GPT2: variants seen among roughly 807,000 people sequenced by gnomAD.
The protein encoded by GPT2 is alanine aminotransferase 2.
GPT2 carries 30 observed loss-of-function variants against 56.9 expected under a neutral mutation model. The observed-to-expected ratio is 0.53, with a 90% confidence interval of 0.39 to 0.72. GPT2 has a LOEUF of 0.72. Ranked by LOEUF, GPT2 falls within the 30% of genes least tolerant of loss-of-function variation. The pLI is 0.00. For synonymous variants in GPT2, 271 were observed against 283.1 expected, an observed-to-expected ratio of 0.96 and a Z score of 0.43; for missense variants, 542 against 703.4, an observed-to-expected ratio of 0.77 and a Z score of 2.60.
intron 7 of GPT2, among the ~76,000 whole-genome samples, 178 bp downstream of exon 7, chr16:46,916,885 TA>T (rs1177404305): frequency 5.9e-5 from 9 of 152,214 alleles, no homozygotes; most frequent in African/African-American, 1.9e-4. Context: ...TTTACCCCTT[TA>T]TTGGTTTGTA....
intron 9 of GPT2, among the ~76,000 whole-genome samples, chr16:46,922,843 G>A (rs1051514174): frequency 9.2e-5 from 14 of 152,188 alleles, no homozygotes; most frequent in African/African-American, 3.1e-4. Flanking sequence ...GCTTTGACCA[G>A]TTCAAACAAA....
chr16:46,903,132 C>A (rs1044803465), intron 4 of GPT2, among the ~76,000 whole-genome samples: 1 of 151,530 alleles, frequency 6.6e-6, no homozygotes, highest in Non-Finnish European at 1.5e-5. Flanking sequence ...GCCTGTAATC[C>A]CAGCTACTTG....
chr16:46,925,583 C>T (rs1391588958), intron 10 of GPT2, among the ~76,000 whole-genome samples: 1 of 152,074 alleles, frequency 6.6e-6, no homozygotes, highest in Non-Finnish European at 1.5e-5. Context: ...GTGGTCTCAG[C>T]ACTTTGGGAG....
rs375848414 is a variant in GPT2, at chr16:46,898,429, G to A, written c.333+692G>A. 1.8e-4 allele frequency among the ~76,000 whole-genome samples: 27 copies of A among 152,362 alleles called. No homozygotes were observed. In the East Asian group the frequency reaches 3.9e-3, roughly 22 times the overall value. On this transcript the variant is annotated intron_variant, in intron 3 of 11. Coordinates refer to ENST00000340124, the MANE Select transcript of GPT2 (RefSeq NM_133443.4). ...GCCGGGATTGTGGGATTATGGGATT[G>A]GTGGGCTGGAGGCGGTGGGGTGGGA... is the stretch of plus-strand genomic sequence containing the variant.
chr16:46,928,945 T>C lies in GPT2; in HGVS notation c.1520T>C (p.Val507Ala). 6.2e-7 allele frequency: 1 copy of C among 1,614,140 alleles called. No homozygotes were observed. Among genetic ancestry groups the C allele is most frequent in the South Asian group, 1.1e-5 (1 of 91,078 alleles). The change falls in exon 12 of 12, where the codon GTG (valine) becomes GCG (alanine). Residue 507 changes from valine to alanine, a missense_variant. Transcript: ENST00000340124. ...CCTCCAGTGGAGAAGCTGAAAACGG[T>C]GCTGCAGAAGGTGAAAGACTTCCAC... is the stretch of plus-strand genomic sequence containing the variant. ...ILPPVEKLKTVLQKVKDFHIN... is the reference protein window; with the variant it reads ...ILPPVEKLKTALQKVKDFHIN...
At chr16:46,884,614 CT>C in intron 1 of GPT2, 79 bp from the exon 2 acceptor site, 2 of 1,288,288 alleles carry the variant, frequency 1.6e-6, no homozygotes. Flanking sequence ...TGAAAGAGCC[CT>C]TGGCTGGGCT....
chr16:46,911,278 A>G (rs560858950), intron 6 of GPT2, among the ~76,000 whole-genome samples: 1 of 152,132 alleles, frequency 6.6e-6, no homozygotes, highest in South Asian at 2.1e-4. Flanking sequence ...CCCCAGTGCT[A>G]TTTGGACACA....
rs555034658 is a variant in GPT2 at position 46,894,216 on chromosome 16, G to A, written c.244-3432G>A. Among the ~76,000 whole-genome samples, 16 of 152,330 alleles carry A rather than the reference G, an allele frequency of 1.1e-4. 1 individual carries two copies. In the South Asian group the frequency reaches 3.3e-3, roughly 32 times the overall value. ...ATTGGTCGAGCAGTGCGGGGGGAGG[G>A]CACGGGAAAGGAACATTCAGGGCTC... On this transcript the variant is annotated intron_variant, in intron 2 of 11. Coordinates refer to ENST00000340124, the MANE Select transcript of GPT2 (RefSeq NM_133443.4).
chr16:46,918,674 G>T lies in GPT2; in HGVS notation c.954G>T (p.Lys318Asn), dbSNP rs1006110931. The stretch of plus-strand genomic sequence containing the variant: ...ATTGCAGATTCCACTCCTTCAAGAA[G>T]GTGCTGTACGAGATGGGGCCCGAGT... The part of the protein sequence containing the change: ...SPDCRFHSFK[K>N]VLYEMGPEYS... Residue 318 changes from lysine to asparagine, a missense_variant, in exon 8 of 12, where the codon AAG becomes AAT. Transcript: ENST00000340124. 6.2e-7 allele frequency: 1 copy of T among 1,614,192 alleles called. No individual in the cohort carries two copies. The highest frequency in any genetic ancestry group is 8.5e-7 in the Non-Finnish European group (1 of 1,180,022).
chr16:46,923,275 A>G (rs1357638191), intron 9 of GPT2, among the ~76,000 whole-genome samples: 1 of 152,148 alleles, frequency 6.6e-6, no homozygotes, highest in Non-Finnish European at 1.5e-5. Context: ...CAGCCCGGCC[A>G]ACATGGTCAA....
intron 5 of GPT2, among the ~76,000 whole-genome samples, chr16:46,908,070 C>G (rs180821947): frequency 2.7e-5 from 4 of 149,898 alleles, no homozygotes; most frequent in African/African-American, 9.9e-5. Flanking sequence ...GCCTGCAGTC[C>G]TGGGTTTGGG....
chr16:46,906,385 G>A (rs1041345323), intron 4 of GPT2, among the ~76,000 whole-genome samples: 10 of 152,162 alleles, frequency 6.6e-5, no homozygotes, highest in Admixed American at 4.6e-4. Context: ...GAGCCTAAGT[G>A]TTGGCCCACT....
At chr16:46,918,992 A>G (rs1457181948) in intron 8 of GPT2, among the ~76,000 whole-genome samples, 1 of 152,242 alleles carries the variant, frequency 6.6e-6, no homozygotes, top group Non-Finnish European at 1.5e-5. Flanking sequence ...GAGTGGAAAC[A>G]GGACTACATG....
Position 46,898,878 on chromosome 16 carries a change from A to ATATATATATACG in GPT2, c.333+1153_333+1164dup, listed in dbSNP as rs1555484763. On this transcript the variant is annotated intron_variant, in intron 3 of 11. Transcript: ENST00000340124. ...TTTATTTATATTTATATACATATATATATATATATACGTATATATATACAC... is the reference window on the plus strand; with the variant it reads ...TTTATTTATATTTATATACATATATATATATATATACGTATATATATACGTATATATATACAC... Among the ~76,000 whole-genome samples, 13 of 146,868 alleles carry ATATATATATACG rather than the reference A, an allele frequency of 8.9e-5. No homozygotes were observed. In the East Asian group the frequency reaches 2.3e-3, roughly 27 times the overall value.
rs1478050277 is a variant in GPT2 at position 46,927,170 on chromosome 16, T to A, written c.1481+133T>A. 5 of 517,894 alleles carry A rather than the reference T, an allele frequency of 9.7e-6. No homozygotes were observed. In the East Asian group the frequency reaches 1.3e-4, roughly 13 times the overall value. The allele number at this position is 517,894 out of a possible 1,614,324, so 32.1% of individuals were successfully genotyped here. ...CTGTCCTCTCTCGAGTCACCCCTAC[T>A]CTGTCCTGCTGCAGACCCAAGCTCA... On this transcript the variant is annotated intron_variant, in intron 11 of 11. Coordinates refer to ENST00000340124, the MANE Select transcript of GPT2 (RefSeq NM_133443.4).
At chr16:46,921,364 G>A (rs150466269) in intron 8 of GPT2, among the ~76,000 whole-genome samples, 1,833 of 152,180 alleles carry the variant, frequency 0.012, 22 homozygotes, top group Non-Finnish European at 0.02. Flanking sequence ...AGTAGAGACG[G>A]GTTTCACCAT....
chr16:46,924,625 G>C, intron 10 of GPT2, 81 bp downstream of exon 10: 1 of 1,458,922 alleles, frequency 6.9e-7, no homozygotes, highest in Non-Finnish European at 9.5e-7. Context: ...TTATCTTGGG[G>C]AGCAGAAGTG....
chr16:46,885,083 G>A, intron 2 of GPT2, 125 bp downstream of exon 2: 1 of 1,349,374 alleles, frequency 7.4e-7, no homozygotes, highest in Non-Finnish European at 9.5e-7. Context: ...AGCCAAGCCT[G>A]GCTAAAACGA....
At chr16:46,909,617 C>T (rs1961002127) in intron 5 of GPT2, 67 bp from the exon 6 acceptor site, 31 of 1,565,046 alleles carry the variant, frequency 2.0e-5, no homozygotes, top group South Asian at 8.3e-5. Context: ...AGTGGGGCCA[C>T]GGGTGAAAGG....
Sources: allele counts gnomAD v4.1 joint callset (sites outside exome capture counted in the v4.1 genomes callset), GRCh38; gene constraint gnomAD v4.1.1; transcripts MANE v1.5; gene names NCBI Gene and HGNC (gene_info 2026-07-23, HGNC 2026-07-21).